Variants in UBE2E3 observed in about 807,000 individuals in gnomAD.
UBE2E3 encodes the protein ubiquitin-conjugating enzyme E2 E3.
In UBE2E3, 5 loss-of-function variants were observed where a neutral mutation model predicts 23.6. The ratio of observed to expected loss-of-function variants is 0.21; its 90% CI spans 0.11 to 0.44. The LOEUF (loss-of-function observed/expected upper bound fraction) is 0.44. Among genes scored for constraint, UBE2E3 ranks in the 20% least tolerant of loss-of-function variants. The probability of loss-of-function intolerance (pLI) is 0.99; values close to 1 mark genes in which losing one functional copy is unlikely to be tolerated. For missense variants in UBE2E3, 81 were observed against 249.8 expected (o/e 0.32, Z 4.55); for synonymous variants, 78 against 87.5 (o/e 0.89, Z 0.60).
chr2:181,048,175 GC>G (rs1686726417), intron 3 of UBE2E3, among the ~76,000 whole-genome samples: 1 of 152,060 alleles, frequency 6.6e-6, no homozygotes, highest in Admixed American at 6.5e-5. Flanking sequence ...CATTTCCCCG[GC>G]ATTCAACAAG....
intron 3 of UBE2E3, among the ~76,000 whole-genome samples, chr2:181,047,582 T>G (rs1057513979): frequency 1.3e-5 from 2 of 151,838 alleles, no homozygotes; most frequent in African/African-American, 4.9e-5. Context: ...CTCGAAACCC[T>G]CCTTTTCCTC....
intron 3 of UBE2E3, among the ~76,000 whole-genome samples, chr2:181,009,319 A>C (rs1685247098): frequency 6.6e-6 from 1 of 152,226 alleles, no homozygotes; most frequent in African/African-American, 2.4e-5. Flanking sequence ...CCAACTTTGA[A>C]TTACTAAATT....
chr2:180,992,157 C>T (rs1306235340), intron 3 of UBE2E3, among the ~76,000 whole-genome samples: 1 of 152,070 alleles, frequency 6.6e-6, no homozygotes, highest in Non-Finnish European at 1.5e-5. Context: ...AACTTGTATG[C>T]TTAAGAGTTC....
rs1574157814 is a variant in UBE2E3, at chr2:180,989,799, A to G, written c.245+5706A>G. 5 of 1,399,140 alleles carry G rather than the reference A, an allele frequency of 3.6e-6. No homozygotes were observed. In the East Asian group the frequency reaches 1.0e-4, roughly 28 times the overall value. 86.7% of individuals were successfully genotyped at this position (1,399,140 alleles called of 1,614,324 possible). ...CAGCTACATGCTCACATAACCAGTC[A>G]TATTCCTCTCATAACCAATTAGTAC... On this transcript the variant is annotated intron_variant, in intron 3 of 5. Coordinates refer to ENST00000410062, the MANE Select transcript of UBE2E3 (RefSeq NM_006357.4).
intron 3 of UBE2E3, among the ~76,000 whole-genome samples, chr2:181,030,412 C>T (rs1056013714): frequency 6.6e-6 from 1 of 151,872 alleles, no homozygotes; most frequent in African/African-American, 2.4e-5. Flanking sequence ...TTTCTAATGT[C>T]AGACTAACTT....
At chr2:181,000,556 CTTTT>C (rs112131285) in intron 3 of UBE2E3, among the ~76,000 whole-genome samples, 1 of 138,604 alleles carries the variant, frequency 7.2e-6, no homozygotes, top group Non-Finnish European at 1.6e-5. Context: ...AAAGAATAAC[CTTTT>C]TTTTTTTTTT....
At chr2:181,042,091 A>AC (rs745824262) in intron 3 of UBE2E3, among the ~76,000 whole-genome samples, 9 of 152,184 alleles carry the variant, frequency 5.9e-5, no homozygotes, top group Admixed American at 2.0e-4. Flanking sequence ...CAGTTTTTCC[A>AC]CTAATGTCCT....
intron 3 of UBE2E3, among the ~76,000 whole-genome samples, chr2:181,034,452 T>C (rs921820168): frequency 9.2e-5 from 14 of 152,184 alleles, no homozygotes; most frequent in Admixed American, 5.9e-4. Flanking sequence ...CCACAGGTTC[T>C]CACTCATAGG....
chr2:181,051,433 C>T (rs1361528473), intron 3 of UBE2E3, among the ~76,000 whole-genome samples: 2 of 151,590 alleles, frequency 1.3e-5, no homozygotes, highest in East Asian at 3.9e-4. Flanking sequence ...CAGCTTAATC[C>T]CTGAAATGTG....
intron 3 of UBE2E3, among the ~76,000 whole-genome samples, chr2:180,991,486 C>T (rs1417724018): frequency 2.0e-5 from 3 of 152,142 alleles, no homozygotes; most frequent in Admixed American, 6.5e-5. Flanking sequence ...AGTCTATAAC[C>T]GATTTTGATA....
chr2:181,033,396 C>A (rs528964981), intron 3 of UBE2E3, among the ~76,000 whole-genome samples: 8 of 152,284 alleles, frequency 5.3e-5, no homozygotes, highest in African/African-American at 1.9e-4. Flanking sequence ...ACTATCTGAT[C>A]TTTGACAAAC....
At chr2:181,061,630 T>C (rs1687155224) in intron 5 of UBE2E3, among the ~76,000 whole-genome samples, 1 of 151,656 alleles carries the variant, frequency 6.6e-6, no homozygotes, top group Non-Finnish European at 1.5e-5. Context: ...AGATTATGAT[T>C]ATATAACCTC....
At chr2:181,062,758 A>G in intron 5 of UBE2E3, 33 bp from the exon 6 acceptor site, 2 of 1,396,078 alleles carry the variant, frequency 1.4e-6, no homozygotes, top group East Asian at 2.3e-5. Flanking sequence ...AGATACCACA[A>G]AATAGCTTTT....
chr2:180,982,042 G>A lies in UBE2E3; in HGVS notation c.-1G>A, dbSNP rs1684312425. 6.3e-7 allele frequency: 1 copy of A among 1,599,730 alleles called. No individual in the cohort carries two copies. Among genetic ancestry groups the A allele is most frequent in the Non-Finnish European group, 8.5e-7 (1 of 1,175,474 alleles). ...GTTTTCCAAGAGATAACTTCACCAA[G>A]ATGTCCAGTGATAGGCAAAGGTCCG... is the stretch of plus-strand genomic sequence containing the variant. On this transcript the variant is annotated 5_prime_UTR_variant, in exon 2 of 6. Coordinates refer to ENST00000410062, the MANE Select transcript of UBE2E3 (RefSeq NM_006357.4).
intron 3 of UBE2E3, among the ~76,000 whole-genome samples, chr2:181,047,906 T>G (rs1402521560): frequency 6.6e-6 from 1 of 152,164 alleles, no homozygotes; most frequent in Non-Finnish European, 1.5e-5. Flanking sequence ...TCATGTAGTC[T>G]TACAAGGTCC....
At chr2:181,061,670 C>T (rs1298848429) in intron 5 of UBE2E3, among the ~76,000 whole-genome samples, 2 of 151,404 alleles carry the variant, frequency 1.3e-5, no homozygotes, top group Non-Finnish European at 3.0e-5. Context: ...TAATTCATAA[C>T]TTTAAAAAAT....
At chr2:180,992,587 T>G (rs1340129121) in intron 3 of UBE2E3, among the ~76,000 whole-genome samples, 1 of 152,172 alleles carries the variant, frequency 6.6e-6, no homozygotes, top group Non-Finnish European at 1.5e-5. Flanking sequence ...ATTTGGAACA[T>G]ATGCCTCAAG....
intron 3 of UBE2E3, among the ~76,000 whole-genome samples, chr2:180,997,304 T>A (rs541708431): frequency 1.3e-5 from 2 of 152,200 alleles, no homozygotes; most frequent in South Asian, 4.1e-4. Flanking sequence ...ATTTTTGTTA[T>A]CTGGCTTTTC....
chr2:181,026,681 T>G (rs1400165793), intron 3 of UBE2E3, among the ~76,000 whole-genome samples: 1 of 151,988 alleles, frequency 6.6e-6, no homozygotes, highest in South Asian at 2.1e-4. Flanking sequence ...GTGTATGAGA[T>G]TTGTTCCGCC....
Sources: gnomAD v4.1 joint callset for allele counts (sites outside exome capture counted in the v4.1 genomes callset) on GRCh38, gnomAD v4.1.1 for gene constraint, MANE v1.5 for transcripts, NCBI Gene and HGNC (gene_info 2026-07-23, HGNC 2026-07-21) for gene names.